SEMA3A: variants seen among roughly 807,000 people sequenced by gnomAD.
SEMA3A encodes the protein semaphorin 3A, also known as semaphorin-3A.
In SEMA3A, 29 loss-of-function variants were observed where a neutral mutation model predicts 97.9. That is an observed-to-expected ratio of 0.30 (90% CI 0.22 to 0.40). The LOEUF (loss-of-function observed/expected upper bound fraction) is 0.40, where lower values mean the gene tolerates loss of function less well. Among genes scored for constraint, SEMA3A ranks in the 10% least tolerant of loss-of-function variants. The pLI, the probability that SEMA3A is intolerant of heterozygous loss-of-function variation, is 1.00. For missense variants in SEMA3A, 763 were observed against 951.3 expected (o/e 0.80, Z 2.60); for synonymous variants, 321 against 323.7 (o/e 0.99, Z 0.09).
At chr7:84,410,077 CA>C (rs1411821747) in intron 1 of SEMA3A, among the ~76,000 whole-genome samples, 1 of 151,796 alleles carries the variant, frequency 6.6e-6, no homozygotes, top group African/African-American at 2.4e-5. Flanking sequence ...TGGAGAAAGA[CA>C]AAATTGAGTT....
At chr7:84,058,921 A>C (rs1314802182) in intron 5 of SEMA3A, among the ~76,000 whole-genome samples, 1 of 152,166 alleles carries the variant, frequency 6.6e-6, no homozygotes, top group Non-Finnish European at 1.5e-5. Flanking sequence ...CATATGAACT[A>C]GGTAATACCT....
intron 3 of SEMA3A, among the ~76,000 whole-genome samples, chr7:84,231,059 A>G (rs1270103655): frequency 6.6e-6 from 1 of 151,902 alleles, no homozygotes; most frequent in African/African-American, 2.4e-5. Flanking sequence ...GTTATACTTC[A>G]AAAAATTTCC....
At chr7:84,193,128 T>C (rs183719940) in intron 1 of SEMA3A, among the ~76,000 whole-genome samples, 1 of 152,112 alleles carries the variant, frequency 6.6e-6, no homozygotes, top group East Asian at 1.9e-4. Flanking sequence ...AACTTGATAC[T>C]CAGGAAAACA....
intron 2 of SEMA3A, among the ~76,000 whole-genome samples, chr7:84,329,675 T>C (rs1801865812): frequency 6.6e-6 from 1 of 152,062 alleles, no homozygotes; most frequent in Non-Finnish European, 1.5e-5. Context: ...GATTCTAAAA[T>C]AAGATGGAGG....
At position 84,206,891 on chromosome 7, in the gene SEMA3A, A is replaced by G. The variant is rs1209798796; in HGVS notation, c.-82-12223T>C. On this transcript the variant is annotated intron_variant, in intron 3 of 3. Coordinates refer to the SEMA3A transcript ENST00000424555. ...CTATGTTTTGTATCATAGCAATTAC[A>G]TATTATAGTAAATATCCCTTTCTGT... 2.0e-5 allele frequency among the ~76,000 whole-genome samples: 3 copies of G among 152,142 alleles called. No homozygotes were observed. The East Asian group carries it at 5.8e-4, about 29-fold the overall frequency.
At chr7:84,346,471 T>C (rs1364820577) in intron 2 of SEMA3A, among the ~76,000 whole-genome samples, 1 of 152,152 alleles carries the variant, frequency 6.6e-6, no homozygotes, top group Admixed American at 6.6e-5. Context: ...AAGTGAAAGA[T>C]GTGTGACCCT....
chr7:84,321,228 T>C (rs1171709680), intron 2 of SEMA3A, among the ~76,000 whole-genome samples: 2 of 152,234 alleles, frequency 1.3e-5, no homozygotes, highest in African/African-American at 4.8e-5. Context: ...TGGTTAACTC[T>C]AACTGTATCA....
intron 1 of SEMA3A, among the ~76,000 whole-genome samples, chr7:84,403,272 C>T (rs1472273344): frequency 6.6e-6 from 1 of 152,176 alleles, no homozygotes; most frequent in Admixed American, 6.5e-5. Context: ...CTCAGAGGGT[C>T]CTACACCCAC....
intron 12 of SEMA3A, among the ~76,000 whole-genome samples, chr7:83,986,955 T>C (rs1789656846): frequency 8.3e-6 from 1 of 120,122 alleles, no homozygotes; most frequent in African/African-American, 3.3e-5. Context: ...CTCTCTTCTC[T>C]CATCTCTCTC....
chr7:84,020,400 G>A (rs1390321673), intron 6 of SEMA3A, among the ~76,000 whole-genome samples: 2 of 150,468 alleles, frequency 1.3e-5, no homozygotes, highest in Non-Finnish European at 3.0e-5. Flanking sequence ...CTATAGCTTC[G>A]ATTTCATCAA....
intron 1 of SEMA3A, among the ~76,000 whole-genome samples, chr7:84,378,689 C>T (rs1201345815): frequency 6.6e-6 from 1 of 151,592 alleles, no homozygotes; most frequent in African/African-American, 2.4e-5. Flanking sequence ...CACATGTATC[C>T]CAGAACTTAA....
intron 3 of SEMA3A, among the ~76,000 whole-genome samples, chr7:84,282,101 T>G (rs1800451952): frequency 6.6e-6 from 1 of 152,124 alleles, no homozygotes; most frequent in Non-Finnish European, 1.5e-5. Flanking sequence ...ACAAAGATGA[T>G]GTATATAGAA....
chr7:84,325,872 A>G (rs1584241157), intron 2 of SEMA3A, among the ~76,000 whole-genome samples: 2 of 152,200 alleles, frequency 1.3e-5, no homozygotes, highest in African/African-American at 4.8e-5. Context: ...TTCATCTTGT[A>G]AGAGAACATT....
At chr7:84,170,174 G>C (rs1352886321) in intron 1 of SEMA3A, among the ~76,000 whole-genome samples, 1 of 151,876 alleles carries the variant, frequency 6.6e-6, no homozygotes, top group East Asian at 1.9e-4. Flanking sequence ...ACACTGCCTG[G>C]TGCTCTCAGT....
At chr7:84,292,898 A>C (rs1286008039) in intron 3 of SEMA3A, among the ~76,000 whole-genome samples, 1 of 152,044 alleles carries the variant, frequency 6.6e-6, no homozygotes, top group South Asian at 2.1e-4. Context: ...CTATTCTCTG[A>C]AAGTTTTTCA....
chr7:84,418,710 G>A lies in SEMA3A; in HGVS notation c.-245-46810C>T, dbSNP rs189145470. On this transcript the variant is annotated intron_variant, in intron 1 of 3. Transcript: ENST00000424555. The stretch of plus-strand genomic sequence containing the variant: ...TCTGGCACTTGTACCAGTAGCCTCC[G>A]GGGGGCTCTTGAGCCTCTAGCCTCA... Among the ~76,000 whole-genome samples, 74 of 151,946 alleles carry A rather than the reference G, an allele frequency of 4.9e-4. 2 individuals are homozygous for A. In the East Asian group the frequency reaches 0.012, roughly 24 times the overall value.
intron 15 of SEMA3A, among the ~76,000 whole-genome samples, chr7:83,968,661 ATTG>A (rs1788802601): frequency 6.6e-6 from 1 of 151,982 alleles, no homozygotes; most frequent in African/African-American, 2.4e-5. Flanking sequence ...TGTGTGTGAC[ATTG>A]TTGTTATTTT....
At chr7:84,002,613 G>C (rs1041511047) in intron 11 of SEMA3A, among the ~76,000 whole-genome samples, 1 of 152,148 alleles carries the variant, frequency 6.6e-6, no homozygotes, top group African/African-American at 2.4e-5. Flanking sequence ...TTAGCACTTA[G>C]AAGTTCCTAA....
At chr7:84,342,300 G>A (rs1802190443) in intron 2 of SEMA3A, among the ~76,000 whole-genome samples, 1 of 152,098 alleles carries the variant, frequency 6.6e-6, no homozygotes, top group South Asian at 2.1e-4. Flanking sequence ...CTCCCAAAGT[G>A]CTGGGTTTAC....
Sources: gnomAD v4.1 joint callset for allele counts (sites outside exome capture counted in the v4.1 genomes callset) on GRCh38, gnomAD v4.1.1 for gene constraint, MANE v1.5 for transcripts, NCBI Gene and HGNC (gene_info 2026-07-23, HGNC 2026-07-21) for gene names.